Variants in KCNJ6 observed in about 807,000 individuals in gnomAD.
KCNJ6 encodes the protein potassium inwardly rectifying channel subfamily J member 6.
A neutral mutation model predicts 34.2 loss-of-function variants in KCNJ6; 9 were observed. The ratio of observed to expected loss-of-function variants is 0.26; its 90% CI spans 0.16 to 0.46. The LOEUF is 0.46. KCNJ6 is among the 20% of genes least tolerant of loss of function. KCNJ6 has a pLI of 1.00. For synonymous variants in KCNJ6, 196 were observed against 207.1 expected (o/e 0.95, Z 0.46); for missense variants, 236 against 531.3 (o/e 0.44, Z 5.46).
At chr21:37,794,733 G>C (rs987398156) in intron 2 of KCNJ6, among the ~76,000 whole-genome samples, 2 of 152,008 alleles carry the variant, frequency 1.3e-5, no homozygotes, top group African/African-American at 4.8e-5. Context: ...GTCGGGAGTT[G>C]GGGGGCAAGG....
At chr21:37,706,556 G>T (rs2054720611) in intron 3 of KCNJ6, among the ~76,000 whole-genome samples, 1 of 151,744 alleles carries the variant, frequency 6.6e-6, no homozygotes, top group African/African-American at 2.4e-5. Flanking sequence ...AAAACAGGCT[G>T]TAAACAGCTG....
chr21:37,914,008 G>GGTGT (rs371432862), intron 1 of KCNJ6, among the ~76,000 whole-genome samples: 16,097 of 135,448 alleles, frequency 0.12, 1,096 homozygotes, highest in South Asian at 0.18. Flanking sequence ...GGCGGATCGG[G>GGTGT]GTGTGTGTGT....
At chr21:37,641,384 C>T (rs73222309) in intron 3 of KCNJ6, among the ~76,000 whole-genome samples, 40,329 of 151,822 alleles carry the variant, frequency 0.27, 5,750 homozygotes, top group South Asian at 0.31. Flanking sequence ...GATGACTTGG[C>T]CCTCGGATTC....
At chr21:37,773,667 A>G (rs2055128500) in intron 2 of KCNJ6, among the ~76,000 whole-genome samples, 1 of 151,714 alleles carries the variant, frequency 6.6e-6, no homozygotes. Flanking sequence ...CATCATCTCT[A>G]TTTTTCTCTA....
intron 1 of KCNJ6, among the ~76,000 whole-genome samples, chr21:37,862,325 CA>C (rs1198820494): frequency 1.3e-5 from 2 of 152,160 alleles, no homozygotes; most frequent in East Asian, 3.9e-4. Flanking sequence ...CTTTTTTTGG[CA>C]AGCAGAGAAG....
At chr21:37,681,935 G>T (rs1208957269) in intron 3 of KCNJ6, among the ~76,000 whole-genome samples, 3 of 152,190 alleles carry the variant, frequency 2.0e-5, no homozygotes, top group Non-Finnish European at 4.4e-5. Flanking sequence ...TGCTGAATGG[G>T]ATGAACACCA....
intron 2 of KCNJ6, among the ~76,000 whole-genome samples, chr21:37,828,183 A>T (rs2055407864): frequency 6.6e-6 from 1 of 152,020 alleles, no homozygotes; most frequent in Non-Finnish European, 1.5e-5. Context: ...AACCCCCAAC[A>T]CCTTTGAGCC....
intron 3 of KCNJ6, among the ~76,000 whole-genome samples, chr21:37,626,957 C>T (rs2054313992): frequency 6.6e-6 from 1 of 152,094 alleles, no homozygotes; most frequent in Admixed American, 6.5e-5. Flanking sequence ...TACTGTGGCC[C>T]TGTGTCCATT....
chr21:37,819,292 T>C (rs939202684), intron 2 of KCNJ6, among the ~76,000 whole-genome samples: 2 of 152,168 alleles, frequency 1.3e-5, no homozygotes, highest in Non-Finnish European at 2.9e-5. Context: ...GAAATTGTGC[T>C]AAGTTGTTTG....
chr21:37,685,298 A>C (rs1251258916), intron 3 of KCNJ6, among the ~76,000 whole-genome samples: 1 of 151,988 alleles, frequency 6.6e-6, no homozygotes, highest in Non-Finnish European at 1.5e-5. Context: ...AGGATTGGAA[A>C]TCAAATGATC....
chr21:37,760,340 G>A lies in KCNJ6; in HGVS notation c.26-45209C>T, dbSNP rs140635429. ...AAACTGAGCCACAGAGAATTTACAC[G>A]GCTCACCTAAGGCCACACAGAGTCA... On this transcript the variant is annotated intron_variant, in intron 2 of 3. Transcript: ENST00000609713. 9.2e-5 allele frequency among the ~76,000 whole-genome samples: 14 copies of A among 152,290 alleles called. No individual in the cohort carries two copies. The East Asian group carries it at 1.9e-3, about 21-fold the overall frequency.
At chr21:37,684,478 T>C (rs2054604564) in intron 3 of KCNJ6, among the ~76,000 whole-genome samples, 1 of 152,210 alleles carries the variant, frequency 6.6e-6, no homozygotes, top group Non-Finnish European at 1.5e-5. Flanking sequence ...TCTTAGGTAC[T>C]AAGGGTTAGG....
chr21:37,895,760 C>A (rs1157978723), intron 1 of KCNJ6, among the ~76,000 whole-genome samples: 1 of 152,180 alleles, frequency 6.6e-6, no homozygotes, highest in Non-Finnish European at 1.5e-5. Context: ...CATCTCCCTC[C>A]CTCTCCTGCC....
intron 3 of KCNJ6, among the ~76,000 whole-genome samples, chr21:37,692,163 G>T (rs543450132): frequency 6.6e-6 from 1 of 152,192 alleles, no homozygotes; most frequent in Non-Finnish European, 1.5e-5. Context: ...GTATACCTAT[G>T]TAACAAAGCT....
intron 1 of KCNJ6, among the ~76,000 whole-genome samples, chr21:37,846,132 T>C (rs531333346): frequency 1.3e-5 from 2 of 152,324 alleles, no homozygotes; most frequent in Admixed American, 6.5e-5. Context: ...CTTTATTCCC[T>C]CTTCCACACC....
chr21:37,848,317 T>C (rs1350670410), intron 1 of KCNJ6, among the ~76,000 whole-genome samples: 2 of 152,120 alleles, frequency 1.3e-5, no homozygotes, highest in Non-Finnish European at 2.9e-5. Context: ...TTTTTTAGAG[T>C]AAAGTTAGTT....
At chr21:37,724,036 G>C (rs953216774) in intron 2 of KCNJ6, among the ~76,000 whole-genome samples, 1 of 152,218 alleles carries the variant, frequency 6.6e-6, no homozygotes, top group Non-Finnish European at 1.5e-5. Flanking sequence ...CTGGTATGCG[G>C]TGTGCGTGGA....
At chr21:37,727,317 G>T (rs191381390) in intron 2 of KCNJ6, among the ~76,000 whole-genome samples, 1 of 152,314 alleles carries the variant, frequency 6.6e-6, no homozygotes, top group East Asian at 1.9e-4. Context: ...TGATGGTGGT[G>T]TTGGTGGAGT....
At chr21:37,774,799 G>A (rs903272860) in intron 2 of KCNJ6, among the ~76,000 whole-genome samples, 10 of 152,062 alleles carry the variant, frequency 6.6e-5, no homozygotes, top group East Asian at 5.8e-4. Flanking sequence ...GAATAGCGCC[G>A]CAGTAAACAT....
Sources: allele counts gnomAD v4.1 joint callset (sites outside exome capture counted in the v4.1 genomes callset), GRCh38; gene constraint gnomAD v4.1.1; transcripts MANE v1.5; gene names NCBI Gene and HGNC (gene_info 2026-07-23, HGNC 2026-07-21).